Variants in AFF2 observed in about 807,000 individuals in gnomAD.
AFF2 encodes AF4/FMR2 family member 2.
A neutral mutation model predicts 76.9 loss-of-function variants in AFF2; 14 were observed. The observed-to-expected ratio is 0.18, with a 90% CI of 0.12 to 0.28. The LOEUF is 0.28. Ranked by LOEUF, AFF2 falls within the 10% of genes least tolerant of loss-of-function variation. The pLI is 1.00. For synonymous variants in AFF2, 398 were observed against 366.7 expected, an observed-to-expected ratio of 1.09 and a Z score of -0.98; for missense variants, 868 against 1,001.1, an observed-to-expected ratio of 0.87 and a Z score of 1.79.
chrX:148,929,350 T>G (rs1557284118), intron 9 of AFF2, among the ~76,000 whole-genome samples: 1 of 112,316 alleles, frequency 8.9e-6, no homozygotes, highest in African/African-American at 3.2e-5. Flanking sequence ...TGAAGACATA[T>G]GAAATGAAAT....
chrX:148,671,122 G>T (rs948847546), intron 3 of AFF2, among the ~76,000 whole-genome samples: 2 of 111,182 alleles, frequency 1.8e-5, no homozygotes, highest in African/African-American at 6.6e-5. Context: ...AGAGTATTTG[G>T]TTTCAGTGCA....
At chrX:148,567,153 A>C (rs782233459) in intron 1 of AFF2, among the ~76,000 whole-genome samples, 1 of 111,880 alleles carries the variant, frequency 8.9e-6, no homozygotes, top group East Asian at 2.8e-4. Flanking sequence ...GACTGAACAC[A>C]TACAACCATG....
chrX:148,790,991 A>G (rs1279704066), intron 3 of AFF2, among the ~76,000 whole-genome samples: 2 of 112,334 alleles, frequency 1.8e-5, no homozygotes, highest in Admixed American at 9.4e-5. Flanking sequence ...TAGTTAGTCC[A>G]TTAGACAGAA....
intron 3 of AFF2, among the ~76,000 whole-genome samples, chrX:148,722,042 A>G (rs192847626): frequency 1.4e-4 from 16 of 111,776 alleles, no homozygotes; most frequent in African/African-American, 4.5e-4. Flanking sequence ...ATACACAGGT[A>G]CCAGAGGTTA....
intron 3 of AFF2, among the ~76,000 whole-genome samples, chrX:148,733,293 C>T (rs1263001584): frequency 9.0e-6 from 1 of 111,377 alleles, no homozygotes; most frequent in Non-Finnish European, 1.9e-5. Flanking sequence ...TGTGACACAA[C>T]ACCCACATCT....
intron 1 of AFF2, among the ~76,000 whole-genome samples, chrX:148,631,990 T>C (rs2053985634): frequency 8.9e-6 from 1 of 111,935 alleles, no homozygotes; most frequent in Non-Finnish European, 1.9e-5. Context: ...TCTTAGTGTC[T>C]ATTTAAAAGC....
intron 3 of AFF2, among the ~76,000 whole-genome samples, chrX:148,786,271 C>A (rs782445759): frequency 1.8e-5 from 2 of 111,704 alleles, no homozygotes; most frequent in Non-Finnish European, 3.8e-5. Flanking sequence ...TCATGCCTTC[C>A]TCTTCTCATT....
At chrX:148,514,201 A>T (rs1474803561) in intron 1 of AFF2, among the ~76,000 whole-genome samples, 1 of 112,063 alleles carries the variant, frequency 8.9e-6, no homozygotes, top group Admixed American at 9.5e-5. Flanking sequence ...AAGTATAAAT[A>T]CCAGTAATGA....
intron 1 of AFF2, among the ~76,000 whole-genome samples, chrX:148,639,786 G>A (rs927448588): frequency 1.8e-5 from 2 of 111,786 alleles, no homozygotes; most frequent in East Asian, 5.6e-4. Flanking sequence ...AGCATTTTCT[G>A]TTTCATATTA....
chrX:148,954,372 G>A (rs2072006718), intron 10 of AFF2, among the ~76,000 whole-genome samples: 1 of 111,525 alleles, frequency 9.0e-6, no homozygotes, highest in African/African-American at 3.3e-5. Flanking sequence ...CCTGCATTTG[G>A]TATAGCAAGT....
intron 3 of AFF2, among the ~76,000 whole-genome samples, chrX:148,675,609 A>G (rs1358646647): frequency 9.2e-6 from 1 of 109,049 alleles, no homozygotes; most frequent in Non-Finnish European, 1.9e-5. Flanking sequence ...AGGTTCTCTT[A>G]TTCATCTAGA....
At chrX:148,526,365 T>C (rs2052659234) in intron 1 of AFF2, among the ~76,000 whole-genome samples, 1 of 96,642 alleles carries the variant, frequency 1.0e-5, no homozygotes, top group Non-Finnish European at 2.1e-5. Context: ...AATACAATCT[T>C]GTTTTTTTTT....
At position 148,805,175 on chromosome X, in the gene AFF2, T is replaced by C. The variant is rs74319482; in HGVS notation, c.1042-4701T>C. Among the ~76,000 whole-genome samples, 43 of 111,811 alleles carry C rather than the reference T, an allele frequency of 3.8e-4. No individual in the cohort carries two copies. The East Asian group carries it at 8.7e-3, about 23-fold the overall frequency. On this transcript the variant is annotated intron_variant, in intron 3 of 20. Coordinates refer to ENST00000370460, the MANE Select transcript of AFF2 (RefSeq NM_002025.4). The stretch of plus-strand genomic sequence containing the variant: ...TTTGTTAATGAAAGTACAAACGGAA[T>C]TAGTTTGGAAGCCGCCATCAGTGTC...
intron 1 of AFF2, among the ~76,000 whole-genome samples, chrX:148,613,087 C>T (rs782214424): frequency 9.0e-6 from 1 of 111,702 alleles, no homozygotes; most frequent in Non-Finnish European, 1.9e-5. Context: ...TTATGGCCTG[C>T]TTCCATTTTA....
intron 17 of AFF2, 28 bp downstream of exon 17, chrX:148,978,032 T>A: frequency 9.2e-7 from 1 of 1,083,545 alleles, no homozygotes; most frequent in Non-Finnish European, 1.3e-6. Flanking sequence ...CACAAGGAAA[T>A]TGCTGAAATG....
intron 1 of AFF2, among the ~76,000 whole-genome samples, chrX:148,582,252 G>A (rs2053423364): frequency 9.0e-6 from 1 of 111,114 alleles, no homozygotes. Flanking sequence ...AGGTGGTAAG[G>A]TGATAGAAAG....
intron 1 of AFF2, among the ~76,000 whole-genome samples, chrX:148,564,777 G>T (rs1195457415): frequency 4.5e-5 from 5 of 111,709 alleles, no homozygotes; most frequent in Non-Finnish European, 9.4e-5. Context: ...TGTTTCCTCT[G>T]CTTTGTATTA....
chrX:148,524,379 T>G (rs940807403), intron 1 of AFF2, among the ~76,000 whole-genome samples: 1 of 111,513 alleles, frequency 9.0e-6, no homozygotes. Flanking sequence ...AGTTTACTTC[T>G]CATTTCTTCA....
intron 1 of AFF2, among the ~76,000 whole-genome samples, chrX:148,634,050 G>A (rs782625308): frequency 3.6e-5 from 4 of 111,528 alleles, no homozygotes; most frequent in African/African-American, 6.5e-5. Context: ...CTTCCTTTTC[G>A]TGTACCTGAT....
Sources: allele counts gnomAD v4.1 joint callset (sites outside exome capture counted in the v4.1 genomes callset), GRCh38; gene constraint gnomAD v4.1.1; transcripts MANE v1.5; gene names NCBI Gene and HGNC (gene_info 2026-07-23, HGNC 2026-07-21).